MN1: variants seen among roughly 807,000 people sequenced by gnomAD.
MN1 encodes MN1 proto-oncogene, transcriptional regulator.
In MN1, 19 loss-of-function variants were observed where a neutral mutation model predicts 86.9. The ratio of observed to expected loss-of-function variants is 0.22; its 90% CI spans 0.15 to 0.32. The LOEUF (loss-of-function observed/expected upper bound fraction) is 0.32, where lower values mean the gene tolerates loss of function less well. Among genes scored for constraint, MN1 ranks in the 10% least tolerant of loss-of-function variants. The probability of loss-of-function intolerance (pLI) is 1.00; values close to 1 mark genes in which losing one functional copy is unlikely to be tolerated. For missense variants in MN1, 1,841 were observed against 1,862.0 expected (o/e 0.99, Z 0.21); for synonymous variants, 928 against 849.6 (o/e 1.09, Z -1.60).
chr22:27,774,735 A>T (rs384770), intron 1 of MN1, among the ~76,000 whole-genome samples: 50,144 of 152,150 alleles, frequency 0.33, 9,156 homozygotes, highest in African/African-American at 0.49. Context: ...TGACACTGCC[A>T]TCATCCTCAT....
intron 1 of MN1, among the ~76,000 whole-genome samples, chr22:27,783,516 C>A (rs1273212530): frequency 2.0e-5 from 3 of 152,142 alleles, no homozygotes; most frequent in Non-Finnish European, 4.4e-5. Flanking sequence ...CAGATAAAAT[C>A]AAATCCTAGC....
At chr22:27,791,909 C>T (rs1482245275) in intron 1 of MN1, 1 of 152,212 alleles carries the variant, frequency 6.6e-6, no homozygotes, top group Admixed American at 6.5e-5. Flanking sequence ...TGTGAAATCC[C>T]AGTGACCCAC....
At chr22:27,796,062 C>G (rs952408274) in intron 1 of MN1, among the ~76,000 whole-genome samples, 1 of 152,126 alleles carries the variant, frequency 6.6e-6, no homozygotes, top group African/African-American at 2.4e-5. Flanking sequence ...AGCACTCCCC[C>G]TCCCCAACCC....
intron 1 of MN1, among the ~76,000 whole-genome samples, chr22:27,782,769 G>A (rs1432419714): frequency 6.6e-6 from 1 of 152,226 alleles, no homozygotes; most frequent in African/African-American, 2.4e-5. Context: ...AATTGCTGGG[G>A]TTTGAACCCA....
intron 1 of MN1, among the ~76,000 whole-genome samples, chr22:27,795,664 A>T (rs1933281366): frequency 6.6e-6 from 1 of 152,128 alleles, no homozygotes; most frequent in African/African-American, 2.4e-5. Context: ...TTAAGAAGCC[A>T]TTAGATATAT....
chr22:27,765,527 A>C (rs1057350560), intron 1 of MN1, among the ~76,000 whole-genome samples: 1 of 152,226 alleles, frequency 6.6e-6, no homozygotes, highest in Non-Finnish European at 1.5e-5. Context: ...GGCTCCCAGC[A>C]CTTACCCCTG....
Position 27,750,606 on chromosome 22 carries a change from C to T in MN1, c.*309G>A, listed in dbSNP as rs1219079618. Reference sequence around the variant, plus strand: ...AAAATGTATGCCAAGATTACCGAAACATGGGGAGTATCTAGAGGAAAAAGG... The same window carrying T: ...AAAATGTATGCCAAGATTACCGAAATATGGGGAGTATCTAGAGGAAAAAGG... On this transcript the variant is annotated 3_prime_UTR_variant, in exon 2 of 2. Transcript: ENST00000302326. The T allele has an allele frequency of 7.3e-6, 2 of 274,816 alleles. No homozygotes were observed. Among genetic ancestry groups the T allele is most frequent in the Non-Finnish European group, 1.4e-5 (2 of 147,010 alleles). The allele number at this position is 274,816 out of a possible 1,614,324, so 17.0% of individuals were successfully genotyped here. A position where few individuals can be genotyped will look rare whatever the true frequency, so the allele number is the denominator to read the frequency against.
intron 1 of MN1, among the ~76,000 whole-genome samples, chr22:27,792,475 T>A (rs1216741271): frequency 6.6e-6 from 1 of 151,908 alleles, no homozygotes; most frequent in East Asian, 1.9e-4. Context: ...CCTTAAAACA[T>A]CCTTGTCCTT....
chr22:27,796,583 G>C (rs1429114307), intron 1 of MN1, among the ~76,000 whole-genome samples, 180 bp downstream of exon 1: 1 of 151,364 alleles, frequency 6.6e-6, no homozygotes, highest in Non-Finnish European at 1.5e-5. Flanking sequence ...AGTGTGTGTG[G>C]GGGGGTCTGT....
chr22:27,796,022 C>T (rs1568982437), intron 1 of MN1, among the ~76,000 whole-genome samples: 2 of 152,138 alleles, frequency 1.3e-5, no homozygotes, highest in Non-Finnish European at 2.9e-5. Flanking sequence ...TATCCCCATA[C>T]ACAAATGATG....
intron 1 of MN1, among the ~76,000 whole-genome samples, chr22:27,766,873 G>T (rs1478569604): frequency 6.6e-6 from 1 of 152,116 alleles, no homozygotes; most frequent in Non-Finnish European, 1.5e-5. Flanking sequence ...TCACCAAGGG[G>T]AGGCAACACT....
In MN1 at chr22:27,799,206, G is replaced by A. The variant is rs985605029; in HGVS notation, c.1338C>T (p.Asp446=). 6.2e-7 allele frequency: 1 copy of A among 1,602,534 alleles called. No homozygotes were observed. The highest frequency in any genetic ancestry group is 8.5e-7 in the Non-Finnish European group (1 of 1,172,412). ...QAPNQRLQHF[D]APPYMNVAKR... ...TGGCCACGTTCATGTAGGGGGGCGC[G>A]TCGAAATGCTGCAGCCGCTGGTTGG... Residue 446 remains aspartate (D), a synonymous_variant, in exon 1 of 2, where the codon GAC becomes GAT. Transcript: ENST00000302326.
rs1933346110 is a variant in MN1, at chr22:27,798,324, G to A, written c.2220C>T (p.Leu740=). 5 of 1,518,308 alleles carry A rather than the reference G, an allele frequency of 3.3e-6. No homozygotes were observed. The highest frequency in any genetic ancestry group is 1.2e-5 in the South Asian group (1 of 82,438). 94.1% of individuals were successfully genotyped at this position (1,518,308 alleles called of 1,614,324 possible). A position where few individuals can be genotyped will look rare whatever the true frequency, so the allele number is the denominator to read the frequency against. The change falls in exon 1 of 2, where the codon CTC becomes CTT. Residue 740 remains leucine, a synonymous_variant. Coordinates refer to ENST00000302326, the MANE Select transcript of MN1 (RefSeq NM_002430.3). The part of the protein sequence containing the change: ...PPPPDFATSA[L]GGQPGFPFGA... ...CAAACGGAAAGCCCGGCTGGCCCCC[G>A]AGCGCAGACGTAGCAAAGTCCGGCG... is the stretch of plus-strand genomic sequence containing the variant.
intron 1 of MN1, among the ~76,000 whole-genome samples, chr22:27,795,927 G>A (rs906243597): frequency 6.6e-6 from 1 of 152,080 alleles, no homozygotes; most frequent in Non-Finnish European, 1.5e-5. Flanking sequence ...GAATGCAAAC[G>A]AAAGCTGGGA....
At chr22:27,778,527 C>G (rs1415669768) in intron 1 of MN1, among the ~76,000 whole-genome samples, 1 of 152,246 alleles carries the variant, frequency 6.6e-6, no homozygotes, top group Non-Finnish European at 1.5e-5. Flanking sequence ...TGTATTTATG[C>G]CAAGGCTTAG....
chr22:27,798,483 G>C lies in MN1; in HGVS notation c.2061C>G (p.Pro687=). 6 of 1,559,450 alleles carry C rather than the reference G, an allele frequency of 3.8e-6. No individual in the cohort carries two copies. The highest frequency in any genetic ancestry group is 5.2e-6 in the Non-Finnish European group (6 of 1,162,892). ...GCAGCGCGGGCACGTGGCCCTCTCC[G>C]GGCATCCTCATCGGCTCCTGCAGAG... ...RGPLQEPMRM[P]GEGHVPALPS... The change falls in exon 1 of 2, where the codon CCC becomes CCG. Residue 687 remains proline (P), a synonymous_variant. Coordinates refer to ENST00000302326, the MANE Select transcript of MN1 (RefSeq NM_002430.3).
At chr22:27,769,708 G>A (rs976474267) in intron 1 of MN1, among the ~76,000 whole-genome samples, 6 of 151,198 alleles carry the variant, frequency 4.0e-5, no homozygotes, top group South Asian at 4.2e-4. Context: ...CACCCACCAC[G>A]CCCTGTTAAT....
intron 1 of MN1, among the ~76,000 whole-genome samples, chr22:27,781,078 G>A (rs1299358275): frequency 6.6e-6 from 1 of 152,092 alleles, no homozygotes; most frequent in African/African-American, 2.4e-5. Context: ...CTACAGGTGT[G>A]CGCCACCATG....
At chr22:27,773,215 CG>C (rs1182669780) in intron 1 of MN1, among the ~76,000 whole-genome samples, 2 of 151,998 alleles carry the variant, frequency 1.3e-5, no homozygotes, top group African/African-American at 4.8e-5. Flanking sequence ...CCAGCCTCCC[CG>C]AGGCCCAAGG....
Sources: allele counts gnomAD v4.1 joint callset (sites outside exome capture counted in the v4.1 genomes callset), GRCh38; gene constraint gnomAD v4.1.1; transcripts MANE v1.5; gene names NCBI Gene and HGNC (gene_info 2026-07-23, HGNC 2026-07-21).